The following CDIN1 variants were observed in gnomAD, a reference collection of about 807,000 sequenced individuals.
The protein encoded by CDIN1 is CDAN1-interacting nuclease 1.
Under a neutral mutation model 45.3 loss-of-function variants are expected in CDIN1, and 33 were observed. That is an observed-to-expected ratio of 0.73 (90% CI 0.55 to 0.97). The LOEUF (loss-of-function observed/expected upper bound fraction) is 0.97. Ranked by LOEUF, CDIN1 falls within the 50% of genes least tolerant of loss-of-function variation. The pLI is 0.00. For missense variants in CDIN1, 303 were observed against 339.4 expected (o/e 0.89, Z 0.84); for synonymous variants, 118 against 124.4 (o/e 0.95, Z 0.34).
chr15:36,617,208 A>T, intron 1 of CDIN1: 1 of 867,430 alleles, frequency 1.2e-6, no homozygotes, highest in East Asian at 2.4e-5. Context: ...ATAGAACTGA[A>T]AGCTCTTGGC....
intron 10 of CDIN1, chr15:36,746,828 G>A (rs936621868): frequency 1.4e-4 from 32 of 236,680 alleles, no homozygotes; most frequent in Non-Finnish European, 1.3e-4. Flanking sequence ...TGCAGCATTC[G>A]CGTCCCCCTC....
chr15:36,604,349 C>A (rs894916678), intron 1 of CDIN1, among the ~76,000 whole-genome samples: 1 of 146,204 alleles, frequency 6.8e-6, no homozygotes, highest in Non-Finnish European at 1.5e-5. Context: ...ATTTGATTAC[C>A]ATGTAGACCC....
chr15:36,660,502 A>G (rs1033681678), intron 5 of CDIN1, among the ~76,000 whole-genome samples: 6 of 152,196 alleles, frequency 3.9e-5, no homozygotes, highest in Admixed American at 3.3e-4. Flanking sequence ...AGCATGGGAC[A>G]TATAAGCCAT....
chr15:36,656,009 T>C (rs904321379), intron 4 of CDIN1, among the ~76,000 whole-genome samples: 2 of 152,192 alleles, frequency 1.3e-5, no homozygotes, highest in African/African-American at 4.8e-5. Context: ...TAGCAGTATT[T>C]AGCCAAGAGA....
chr15:36,581,812 G>C (rs2140150144), intron 1 of CDIN1, among the ~76,000 whole-genome samples: 1 of 152,362 alleles, frequency 6.6e-6, no homozygotes, highest in East Asian at 1.9e-4. Context: ...ACCACATCAA[G>C]GTGATTGTTA....
intron 8 of CDIN1, 35 bp downstream of exon 8, chr15:36,697,425 G>C (rs750016091): frequency 2.0e-6 from 3 of 1,485,404 alleles, no homozygotes; most frequent in Non-Finnish European, 2.8e-6. Flanking sequence ...AGCTTGTGTT[G>C]TCTCCCTGAG....
intron 10 of CDIN1, among the ~76,000 whole-genome samples, chr15:36,803,992 C>T (rs2055137496): frequency 6.6e-6 from 1 of 152,182 alleles, no homozygotes. Context: ...ATCACTACCT[C>T]ATAGTGAGTG....
At position 36,805,885 on chromosome 15, in the gene CDIN1, C is replaced by T. The variant is rs142771291; in HGVS notation, c.717-2439C>T. On this transcript the variant is annotated intron_variant, in intron 10 of 10. Coordinates refer to ENST00000566621, the MANE Select transcript of CDIN1 (RefSeq NM_001321759.2). The stretch of plus-strand genomic sequence containing the variant: ...TCTAAAGTCCTTACTGCTTTTGTCA[C>T]CCAAAGACCACATAATTTGAAAGCG... Among the ~76,000 whole-genome samples, 630 of 152,266 alleles carry T rather than the reference C, an allele frequency of 4.1e-3. 2 individuals are homozygous for T. The highest frequency in any genetic ancestry group is 0.014 in the African/African-American group (596 of 41,552).
At chr15:36,677,660 A>T (rs1266256811) in intron 5 of CDIN1, among the ~76,000 whole-genome samples, 1 of 152,208 alleles carries the variant, frequency 6.6e-6, no homozygotes, top group Non-Finnish European at 1.5e-5. Flanking sequence ...CCAATGATTG[A>T]TACACAATAT....
At chr15:36,661,407 CTGTT>C (rs1304933174) in intron 5 of CDIN1, among the ~76,000 whole-genome samples, 2 of 151,904 alleles carry the variant, frequency 1.3e-5, no homozygotes, top group Non-Finnish European at 2.9e-5. Flanking sequence ...TAGGGAGACT[CTGTT>C]TGGATGTGTT....
At chr15:36,591,676 A>G (rs577172115) in intron 1 of CDIN1, 1 of 152,330 alleles carries the variant, frequency 6.6e-6, no homozygotes, top group Non-Finnish European at 1.5e-5. Flanking sequence ...CTTGGGAGGG[A>G]CCTGCATACC....
intron 10 of CDIN1, among the ~76,000 whole-genome samples, chr15:36,719,315 A>T (rs917570918): frequency 3.3e-5 from 5 of 152,126 alleles, no homozygotes; most frequent in Non-Finnish European, 7.4e-5. Flanking sequence ...CTAGTTTGCT[A>T]CAAGTTTTTA....
chr15:36,677,723 A>C (rs1049380916), intron 5 of CDIN1, among the ~76,000 whole-genome samples: 1 of 152,172 alleles, frequency 6.6e-6, no homozygotes, highest in Non-Finnish European at 1.5e-5. Flanking sequence ...GGATTGGAAA[A>C]AAATAAGAGA....
intron 1 of CDIN1, among the ~76,000 whole-genome samples, chr15:36,639,367 AG>A (rs2040018066): frequency 9.0e-6 from 1 of 111,100 alleles, no homozygotes; most frequent in Admixed American, 1.0e-4. Context: ...GCATTTTGGG[AG>A]GCCAAGGTGG....
chr15:36,775,562 G>C (rs1361185689), intron 10 of CDIN1, among the ~76,000 whole-genome samples: 2 of 152,176 alleles, frequency 1.3e-5, no homozygotes, highest in Admixed American at 1.3e-4. Flanking sequence ...ACTACACAGA[G>C]AGCACACTTA....
intron 10 of CDIN1, among the ~76,000 whole-genome samples, chr15:36,714,172 C>T (rs2043145851): frequency 6.6e-6 from 1 of 152,102 alleles, no homozygotes; most frequent in Non-Finnish European, 1.5e-5. Flanking sequence ...AACTTTTACG[C>T]ACTTTTCAAA....
intron 6 of CDIN1, 140 bp from the exon 7 acceptor site, chr15:36,691,986 C>T (rs2042268165): frequency 2.3e-6 from 2 of 877,626 alleles, no homozygotes; most frequent in Non-Finnish European, 3.3e-6. Context: ...GTGATTAAAT[C>T]CGAACCGCCT....
chr15:36,769,570 G>T (rs77829268), intron 10 of CDIN1, among the ~76,000 whole-genome samples: 8,753 of 152,252 alleles, frequency 0.057, 309 homozygotes, highest in South Asian at 0.12. Context: ...AGCAACATCT[G>T]GATTAGCATT....
At chr15:36,622,083 T>G (rs2039222587) in intron 1 of CDIN1, among the ~76,000 whole-genome samples, 1 of 152,244 alleles carries the variant, frequency 6.6e-6, no homozygotes. Context: ...TGTGGAAAAC[T>G]TGAAGAGAAA....
Sources: allele counts gnomAD v4.1 joint callset (sites outside exome capture counted in the v4.1 genomes callset), GRCh38; gene constraint gnomAD v4.1.1; transcripts MANE v1.5; gene names NCBI Gene and HGNC (gene_info 2026-07-23, HGNC 2026-07-21).